Variants in ODR4 observed in about 807,000 individuals in gnomAD.
The protein encoded by ODR4 is protein odr-4 homolog.
A neutral mutation model predicts 60.2 loss-of-function variants in ODR4; 47 were observed. That is an observed-to-expected ratio of 0.78 (90% CI 0.62 to 1.00). ODR4 has a LOEUF of 1.00. Ranked by LOEUF, ODR4 falls within the 50% of genes least tolerant of loss-of-function variation. ODR4 has a pLI of 0.00. For synonymous variants in ODR4, 178 were observed against 175.5 expected, an observed-to-expected ratio of 1.01 and a Z score of -0.11; for missense variants, 488 against 530.8, an observed-to-expected ratio of 0.92 and a Z score of 0.79.
downstream of ODR4, among the ~76,000 whole-genome samples, chr1:186,422,008 A>C (rs780337052): frequency 7.2e-5 from 11 of 152,046 alleles, no homozygotes; most frequent in Admixed American, 7.2e-4. Flanking sequence ...AGATAATAAC[A>C]AGTCTAATAT....
chr1:186,377,829 C>G (rs1438390853), intron 1 of ODR4, among the ~76,000 whole-genome samples: 1 of 152,088 alleles, frequency 6.6e-6, no homozygotes, highest in African/African-American at 2.4e-5. Context: ...GCAGATCACA[C>G]GGTCAGGAGA....
the ODR4 span, among the ~76,000 whole-genome samples, chr1:186,427,766 A>G: frequency 6.6e-6 from 1 of 152,248 alleles, no homozygotes; most frequent in African/African-American, 2.4e-5. Context: ...TTAAATAATA[A>G]AAGTTGAAAG....
At chr1:186,415,533 C>G (rs1328876339) in intron 12 of ODR4, among the ~76,000 whole-genome samples, 1 of 152,116 alleles carries the variant, frequency 6.6e-6, no homozygotes, top group Non-Finnish European at 1.5e-5. Flanking sequence ...CCCTGGAGTT[C>G]TATAGAGTAG....
chr1:186,410,579 C>T (rs952140587), intron 12 of ODR4, among the ~76,000 whole-genome samples: 3 of 152,142 alleles, frequency 2.0e-5, no homozygotes, highest in Non-Finnish European at 4.4e-5. Context: ...CCTAAGAGTA[C>T]CTAAGAACTC....
intron 12 of ODR4, among the ~76,000 whole-genome samples, chr1:186,408,302 A>C (rs1173119442): frequency 6.6e-6 from 1 of 152,090 alleles, no homozygotes; most frequent in Non-Finnish European, 1.5e-5. Flanking sequence ...TAGGAGCTAA[A>C]TAATGAAGTA....
chr1:186,434,445 C>T, the ODR4 span, among the ~76,000 whole-genome samples: 1 of 152,028 alleles, frequency 6.6e-6, no homozygotes, highest in Non-Finnish European at 1.5e-5. Flanking sequence ...TCTTTAAATT[C>T]TTACTCTGGA....
At chr1:186,397,599 A>G (rs1312083900) in intron 9 of ODR4, among the ~76,000 whole-genome samples, 1 of 152,170 alleles carries the variant, frequency 6.6e-6, no homozygotes, top group Non-Finnish European at 1.5e-5. Flanking sequence ...ATATGCTCCA[A>G]TTACCTTTTC....
chr1:186,384,061 C>G (rs1358365709), intron 3 of ODR4, among the ~76,000 whole-genome samples: 2 of 152,010 alleles, frequency 1.3e-5, no homozygotes, highest in Non-Finnish European at 2.9e-5. Flanking sequence ...CGAAGAAATC[C>G]AGTATTTAAT....
chr1:186,425,787 G>T (rs905384339), downstream of ODR4, among the ~76,000 whole-genome samples: 1 of 152,114 alleles, frequency 6.6e-6, no homozygotes, highest in Non-Finnish European at 1.5e-5. Flanking sequence ...TAATTCTATG[G>T]TTTACTAACA....
intron 5 of ODR4, among the ~76,000 whole-genome samples, chr1:186,388,859 G>T (rs1660350190): frequency 1.3e-5 from 2 of 152,166 alleles, no homozygotes; most frequent in African/African-American, 2.4e-5. Context: ...CCTAACTGAT[G>T]GCTTAGGCAA....
intron 11 of ODR4, chr1:186,400,944 G>C: frequency 8.4e-7 from 1 of 1,192,956 alleles, no homozygotes; most frequent in Non-Finnish European, 1.2e-6. Flanking sequence ...TTTGCAATTT[G>C]ACTTTGAGTT....
At chr1:186,406,687 CT>C (rs150378102) in intron 12 of ODR4, among the ~76,000 whole-genome samples, 21,298 of 148,640 alleles carry the variant, frequency 0.14, 1,597 homozygotes, top group Non-Finnish European at 0.17. Flanking sequence ...TATTATTTGC[CT>C]TTTTTTTTTC....
intron 11 of ODR4, among the ~76,000 whole-genome samples, chr1:186,399,837 T>C (rs1660852401): frequency 6.6e-6 from 1 of 152,110 alleles, no homozygotes. Context: ...TACAGTATCT[T>C]ACCCATTAAT....
chr1:186,377,674 GAT>G (rs1230284741), intron 1 of ODR4, among the ~76,000 whole-genome samples: 4 of 152,142 alleles, frequency 2.6e-5, no homozygotes, highest in African/African-American at 9.7e-5. Context: ...AGGCAACAGT[GAT>G]ATTTAGACAA....
At chr1:186,401,877 A>G (rs1405382891) in intron 11 of ODR4, among the ~76,000 whole-genome samples, 1 of 152,034 alleles carries the variant, frequency 6.6e-6, no homozygotes, top group Non-Finnish European at 1.5e-5. Flanking sequence ...GAATGAGTTA[A>G]GAGTTCTCTG....
Position 186,419,156 on chromosome 1 carries a change from C to A in ODR4, c.*80C>A. 1.6e-6 allele frequency: 2 copies of A among 1,282,604 alleles called. No individual in the cohort carries two copies. Among genetic ancestry groups the A allele is most frequent in the Non-Finnish European group, 2.2e-6 (2 of 904,584 alleles). 79.5% of individuals were successfully genotyped at this position (1,282,604 alleles called of 1,614,324 possible). A position where few individuals can be genotyped will look rare whatever the true frequency, so the allele number is the denominator to read the frequency against. The stretch of plus-strand genomic sequence containing the variant: ...AATAATAAAGATGTTAACAATCCAT[C>A]TGTATTTAAAACACTAGCAGCCAGA... On this transcript the variant is annotated 3_prime_UTR_variant, in exon 14 of 14. Transcript: ENST00000287859.
At chr1:186,382,231 T>A (rs1660063579) in intron 2 of ODR4, among the ~76,000 whole-genome samples, 1 of 144,606 alleles carries the variant, frequency 6.9e-6, no homozygotes, top group Admixed American at 7.0e-5. Context: ...ATAGCAAGAC[T>A]CTGTCTCTAC....
the ODR4 span, among the ~76,000 whole-genome samples, chr1:186,429,406 C>T: frequency 6.6e-6 from 1 of 151,862 alleles, no homozygotes; most frequent in African/African-American, 2.4e-5. Context: ...GTTGTAAAAA[C>T]TTTCTACTTG....
At chr1:186,434,955 A>G in the ODR4 span, among the ~76,000 whole-genome samples, 76 of 152,294 alleles carry the variant, frequency 5.0e-4, 1 homozygote, top group African/African-American at 1.7e-3. Flanking sequence ...TCTGTGTTCA[A>G]TTATTGGAAG....
Sources: allele counts gnomAD v4.1 joint callset (sites outside exome capture counted in the v4.1 genomes callset), GRCh38; gene constraint gnomAD v4.1.1; transcripts MANE v1.5; gene names NCBI Gene and HGNC (gene_info 2026-07-23, HGNC 2026-07-21).